MTUS1: variants seen among roughly 807,000 people sequenced by gnomAD.
The protein encoded by MTUS1 is microtubule-associated tumor suppressor 1.
In MTUS1, 109 loss-of-function variants were observed where a neutral mutation model predicts 120.8. That is an observed-to-expected ratio of 0.90 (90% CI 0.77 to 1.06). The LOEUF is 1.06. Ranked by LOEUF, MTUS1 falls within the 50% of genes least tolerant of loss-of-function variation. MTUS1 has a pLI of 0.00. For synonymous variants in MTUS1, 737 were observed against 550.5 expected, an observed-to-expected ratio of 1.34 and a Z score of -4.74; for missense variants, 2,210 against 1,486.3, an observed-to-expected ratio of 1.49 and a Z score of -8.01.
Position 17,713,661 on chromosome 8 carries a change from C to T in MTUS1, c.2585-409G>A, listed in dbSNP as rs183680719. On this transcript the variant is annotated intron_variant, in intron 5 of 14. Coordinates refer to ENST00000693296, the MANE Select transcript of MTUS1 (RefSeq NM_001363059.2). ...CTCCCGTGTGCTTTCCGAAACTACC[C>T]GTTTCTATTCAGCTATGAAGAAAAA... Among the ~76,000 whole-genome samples the T allele has an allele frequency of 2.6e-4, 40 of 152,242 alleles. No homozygotes were observed. In the South Asian group the frequency reaches 7.5e-3, roughly 28 times the overall value.
chr8:17,788,926 ATAAT>A (rs1470929631), intron 1 of MTUS1, among the ~76,000 whole-genome samples: 3 of 152,240 alleles, frequency 2.0e-5, no homozygotes, highest in Non-Finnish European at 4.4e-5. Context: ...ATAGAAGTAA[ATAAT>A]TAAAAGCACC....
intron 7 of MTUS1, chr8:17,676,231 T>C (rs1585603594): frequency 1.4e-6 from 1 of 702,980 alleles, no homozygotes; most frequent in Non-Finnish European, 2.6e-6. Context: ...TCTGCAGTAG[T>C]CCTGACATTC....
chr8:17,679,482 TTTTATTTTATTTA>T (rs1813848407), intron 7 of MTUS1, among the ~76,000 whole-genome samples: 4 of 29,942 alleles, frequency 1.3e-4, no homozygotes, highest in African/African-American at 2.9e-4. Context: ...CTCCAACTAT[TTTTATTTTATTTA>T]TTTATTTATT....
chr8:17,665,682 G>A (rs1484530789), intron 8 of MTUS1, among the ~76,000 whole-genome samples: 1 of 152,154 alleles, frequency 6.6e-6, no homozygotes, highest in Non-Finnish European at 1.5e-5. Flanking sequence ...GCCTCTTTGA[G>A]AGCCTAACCA....
At chr8:17,760,804 G>A in intron 1 of MTUS1, among the ~76,000 whole-genome samples, 1 of 121,692 alleles carries the variant, frequency 8.2e-6, no homozygotes. Flanking sequence ...GTGTGCTGGA[G>A]GGAAAAAAAA....
chr8:17,754,118 C>G lies in MTUS1; in HGVS notation c.1690G>C (p.Asp564His). The change falls in exon 2 of 15, where the codon GAC (aspartate) becomes CAC (histidine). Residue 564 changes from aspartate (D) to histidine (H), a missense_variant. Coordinates refer to ENST00000693296, the MANE Select transcript of MTUS1 (RefSeq NM_001363059.2). The part of the protein sequence containing the change: ...SRTPRSDLNA[D>H]KKAEILINKT... ...TTAATTAGAATTTCTGCTTTTTTGT[C>G]TGCATTCAAGTCAGATCTCGGTGTT... is the stretch of plus-strand genomic sequence containing the variant. 6.2e-7 allele frequency: 1 copy of G among 1,613,660 alleles called. No individual in the cohort carries two copies. Among genetic ancestry groups the G allele is most frequent in the Non-Finnish European group, 8.5e-7 (1 of 1,179,982 alleles).
chr8:17,726,790 A>G (rs1314612249), intron 3 of MTUS1, among the ~76,000 whole-genome samples: 1 of 152,234 alleles, frequency 6.6e-6, no homozygotes, highest in Non-Finnish European at 1.5e-5. Context: ...CCGCCCCTTC[A>G]GCAGAAACAC....
intron 6 of MTUS1, among the ~76,000 whole-genome samples, chr8:17,685,373 T>C (rs1323298415): frequency 6.6e-6 from 1 of 151,848 alleles, no homozygotes; most frequent in Non-Finnish European, 1.5e-5. Flanking sequence ...ATTTTGAATA[T>C]CAAACAGAAT....
chr8:17,720,454 G>A (rs1257156231), intron 4 of MTUS1, among the ~76,000 whole-genome samples: 1 of 152,106 alleles, frequency 6.6e-6, no homozygotes, highest in Non-Finnish European at 1.5e-5. Context: ...AAGGTGAAGG[G>A]AAAGAACACT....
Position 17,645,764 on chromosome 8 carries a change from C to T in MTUS1, c.*162G>A, listed in dbSNP as rs978712118. ...GAGGCAAAAGTCTTCCTCCAGAGTT[C>T]CAGTCTCAGAAGCTGCGATTCCGCC... On this transcript the variant is annotated 3_prime_UTR_variant, in exon 15 of 15. Coordinates refer to ENST00000693296, the MANE Select transcript of MTUS1 (RefSeq NM_001363059.2). 2.0e-5 allele frequency: 18 copies of T among 891,614 alleles called. No individual in the cohort carries two copies. The highest frequency in any genetic ancestry group is 2.7e-5 in the Non-Finnish European group (17 of 636,334). 55.2% of individuals were successfully genotyped at this position (891,614 alleles called of 1,614,324 possible). A position where few individuals can be genotyped will look rare whatever the true frequency, so the allele number is the denominator to read the frequency against.
intron 6 of MTUS1, among the ~76,000 whole-genome samples, chr8:17,685,367 T>C (rs1815553167): frequency 6.6e-6 from 1 of 152,300 alleles, no homozygotes; most frequent in Non-Finnish European, 1.5e-5. Flanking sequence ...TGTGTCATTT[T>C]GAATATCAAA....
intron 13 of MTUS1, chr8:17,647,414 A>C (rs1806048195): frequency 5.4e-6 from 1 of 186,676 alleles, no homozygotes; most frequent in African/African-American, 2.4e-5. Context: ...CACACTGCCC[A>C]CACTTATCAA....
chr8:17,713,099 T>C, intron 6 of MTUS1, 115 bp downstream of exon 6: 1 of 868,340 alleles, frequency 1.2e-6, no homozygotes, highest in Non-Finnish European at 1.9e-6. Flanking sequence ...GGTTTACACC[T>C]CAAATTGGAA....
At chr8:17,756,199 A>G (rs17125265) in intron 1 of MTUS1, among the ~76,000 whole-genome samples, 1,584 of 152,204 alleles carry the variant, frequency 0.01, 25 homozygotes, top group African/African-American at 0.036. Flanking sequence ...TTGCTCGTTA[A>G]CCCTGTCCCT....
chr8:17,721,744 A>C (rs1382427893), intron 4 of MTUS1: 1 of 1,602,554 alleles, frequency 6.2e-7, no homozygotes, highest in African/African-American at 1.3e-5. Context: ...TAACAAAGGA[A>C]TTATACAAAG....
intron 1 of MTUS1, among the ~76,000 whole-genome samples, chr8:17,789,715 A>T (rs2051612535): frequency 6.6e-6 from 1 of 152,188 alleles, no homozygotes; most frequent in Non-Finnish European, 1.5e-5. Context: ...TCTGCTAGCA[A>T]GAGTTCTTTA....
At chr8:17,756,338 CA>C (rs2048608271) in intron 1 of MTUS1, among the ~76,000 whole-genome samples, 1 of 152,126 alleles carries the variant, frequency 6.6e-6, no homozygotes, top group Admixed American at 6.6e-5. Context: ...TTGCTTATGA[CA>C]GTCCCAAAGT....
At chr8:17,653,622 T>C (rs1807541303) in intron 10 of MTUS1, 124 bp from the exon 11 acceptor site, 1 of 679,944 alleles carries the variant, frequency 1.5e-6, no homozygotes, top group Non-Finnish European at 2.4e-6. Context: ...TTTACATCTA[T>C]AGTATGCTTT....
At chr8:17,695,642 A>G (rs1817793303) in intron 6 of MTUS1, among the ~76,000 whole-genome samples, 1 of 152,200 alleles carries the variant, frequency 6.6e-6, no homozygotes. Flanking sequence ...AATGTCTACT[A>G]CTAGAGCACT....
Sources: allele counts gnomAD v4.1 joint callset (sites outside exome capture counted in the v4.1 genomes callset), GRCh38; gene constraint gnomAD v4.1.1; transcripts MANE v1.5; gene names NCBI Gene and HGNC (gene_info 2026-07-23, HGNC 2026-07-21).